Variants in MAN1A2 observed in about 807,000 individuals in gnomAD.
The protein encoded by MAN1A2 is mannosidase alpha class 1A member 2.
A neutral mutation model predicts 75.7 loss-of-function variants in MAN1A2; 26 were observed. The observed-to-expected ratio is 0.34, with a 90% CI of 0.25 to 0.48. The LOEUF is 0.48. Ranked by LOEUF, MAN1A2 falls within the 20% of genes least tolerant of loss-of-function variation. The pLI, the probability that MAN1A2 is intolerant of heterozygous loss-of-function variation, is 0.99. For missense variants in MAN1A2, 562 were observed against 775.5 expected (o/e 0.72, Z 3.27); for synonymous variants, 247 against 264.6 (o/e 0.93, Z 0.65).
intron 6 of MAN1A2, among the ~76,000 whole-genome samples, chr1:117,458,775 C>T (rs1283561614): frequency 2.0e-5 from 3 of 151,800 alleles, no homozygotes; most frequent in African/African-American, 4.8e-5. Flanking sequence ...CTGCCCACCT[C>T]GGCCTCCTGA....
chr1:117,422,829 T>C (rs552311718), intron 5 of MAN1A2, among the ~76,000 whole-genome samples: 2 of 152,248 alleles, frequency 1.3e-5, no homozygotes, highest in Admixed American at 6.5e-5. Context: ...TTATAATCTA[T>C]ACATTTGCAA....
intron 8 of MAN1A2, among the ~76,000 whole-genome samples, chr1:117,477,079 A>G (rs962988280): frequency 1.3e-5 from 2 of 151,814 alleles, no homozygotes; most frequent in African/African-American, 2.4e-5. Context: ...TCCCAAGACT[A>G]AACTAGGAAG....
chr1:117,461,182 T>A (rs1285010442), intron 7 of MAN1A2, among the ~76,000 whole-genome samples: 3 of 152,146 alleles, frequency 2.0e-5, no homozygotes, highest in Non-Finnish European at 4.4e-5. Flanking sequence ...CAAATAAATC[T>A]AACAAAAGAT....
intron 7 of MAN1A2, among the ~76,000 whole-genome samples, chr1:117,461,455 G>A (rs1333600048): frequency 6.6e-6 from 1 of 152,128 alleles, no homozygotes; most frequent in East Asian, 1.9e-4. Flanking sequence ...CAAAAGTACA[G>A]TTACATAGAA....
At chr1:117,516,118 T>C (rs1651708105) in intron 12 of MAN1A2, among the ~76,000 whole-genome samples, 1 of 152,122 alleles carries the variant, frequency 6.6e-6, no homozygotes, top group African/African-American at 2.4e-5. Flanking sequence ...AAAATATTAA[T>C]ATTAATTGCA....
intron 5 of MAN1A2, among the ~76,000 whole-genome samples, chr1:117,429,442 C>A (rs7518434): frequency 0.13 from 15,468 of 118,148 alleles, 814 homozygotes; most frequent in African/African-American, 0.2. Flanking sequence ...GCTGACCCCC[C>A]CCACCTCCCT....
At chr1:117,479,738 G>T (rs948404396) in intron 8 of MAN1A2, among the ~76,000 whole-genome samples, 8 of 151,476 alleles carry the variant, frequency 5.3e-5, no homozygotes, top group Non-Finnish European at 8.8e-5. Context: ...GATCAGTTTG[G>T]GATTGATTTT....
At chr1:117,461,358 C>G (rs1457085521) in intron 7 of MAN1A2, among the ~76,000 whole-genome samples, 2 of 152,022 alleles carry the variant, frequency 1.3e-5, no homozygotes, top group African/African-American at 4.8e-5. Flanking sequence ...AAATTGATCT[C>G]ACGGAGGTAG....
chr1:117,440,081 A>G (rs1281615914), intron 5 of MAN1A2, among the ~76,000 whole-genome samples: 21 of 152,228 alleles, frequency 1.4e-4, no homozygotes, highest in Non-Finnish European at 5.9e-5. Flanking sequence ...TGCAGCCACC[A>G]AAGAGAATGA....
At chr1:117,446,380 T>C (rs1649236805) in intron 6 of MAN1A2, among the ~76,000 whole-genome samples, 1 of 152,098 alleles carries the variant, frequency 6.6e-6, no homozygotes, top group Non-Finnish European at 1.5e-5. Flanking sequence ...TCTACACTGA[T>C]CTTATATCTT....
At chr1:117,453,390 T>C (rs912661992) in intron 6 of MAN1A2, among the ~76,000 whole-genome samples, 14 of 152,224 alleles carry the variant, frequency 9.2e-5, no homozygotes, top group Non-Finnish European at 1.8e-4. Flanking sequence ...TAAGAACATT[T>C]GTGATTCATG....
Position 117,414,695 on chromosome 1 carries a change from T to C in MAN1A2, c.656-18T>C, listed in dbSNP as rs759853308. ...AAAGGGATCTTTTTAATGATAATTT[T>C]TTTCTTCCCAAATATAGGAAGTTCA... On this transcript the variant is annotated intron_variant, in intron 3 of 12. Transcript: ENST00000356554. 3.0e-6 allele frequency: 4 copies of C among 1,338,520 alleles called. No homozygotes were observed. Among genetic ancestry groups the C allele is most frequent in the Non-Finnish European group, 4.3e-6 (4 of 931,394 alleles). 82.9% of individuals were successfully genotyped at this position (1,338,520 alleles called of 1,614,324 possible).
intron 3 of MAN1A2, among the ~76,000 whole-genome samples, chr1:117,406,745 A>G (rs1227922856): frequency 6.6e-6 from 1 of 152,118 alleles, no homozygotes; most frequent in Non-Finnish European, 1.5e-5. Flanking sequence ...GAAAGTTCTT[A>G]CTGCTTTGTG....
At position 117,512,839 on chromosome 1, in the gene MAN1A2, A is replaced by T. The variant is rs116081021; in HGVS notation, c.1793+9869A>T. On this transcript the variant is annotated intron_variant, in intron 12 of 12. Transcript: ENST00000356554. ...TACTATTTAATATAAGCATTTTTCC[A>T]GTTTCAAAAATTTAATCTTTGAAAT... is the stretch of plus-strand genomic sequence containing the variant. Among the ~76,000 whole-genome samples, 1,019 of 151,866 alleles carry T rather than the reference A, an allele frequency of 6.7e-3. 19 individuals carry two copies. Among genetic ancestry groups the T allele is most frequent in the African/African-American group, 0.022 (921 of 41,394 alleles).
chr1:117,507,717 C>T (rs1442592032), intron 12 of MAN1A2, among the ~76,000 whole-genome samples: 1 of 151,548 alleles, frequency 6.6e-6, no homozygotes, highest in African/African-American at 2.4e-5. Context: ...AAAGAAAAGC[C>T]ATGAATAGCT....
chr1:117,405,436 T>C (rs1426072378), intron 2 of MAN1A2, 113 bp from the exon 3 acceptor site: 1 of 701,434 alleles, frequency 1.4e-6, no homozygotes, highest in Admixed American at 2.2e-5. Flanking sequence ...AATGTACTAA[T>C]ATAGATCTGG....
At chr1:117,512,748 G>GACACACAC (rs1651575572) in intron 12 of MAN1A2, among the ~76,000 whole-genome samples, 1 of 42,318 alleles carries the variant, frequency 2.4e-5, no homozygotes, top group African/African-American at 1.4e-4. Context: ...TAGGCACTGG[G>GACACACAC]ATACACACAC....
intron 11 of MAN1A2, 87 bp downstream of exon 11, chr1:117,499,641 A>C: frequency 9.5e-6 from 10 of 1,048,680 alleles, no homozygotes; most frequent in Non-Finnish European, 1.3e-5. Flanking sequence ...ATGTTACCTC[A>C]TTTTTAGTAT....
chr1:117,487,728 T>C (rs1650757417), intron 8 of MAN1A2, among the ~76,000 whole-genome samples: 6 of 152,056 alleles, frequency 3.9e-5, no homozygotes, highest in Admixed American at 3.9e-4. Context: ...CTCTTGTTTA[T>C]TACCAAAAAA....
Sources: allele counts gnomAD v4.1 joint callset (sites outside exome capture counted in the v4.1 genomes callset), GRCh38; gene constraint gnomAD v4.1.1; transcripts MANE v1.5; gene names NCBI Gene and HGNC (gene_info 2026-07-23, HGNC 2026-07-21).